Variants in ANO4 observed in about 807,000 individuals in gnomAD.
ANO4 encodes the protein anoctamin 4, also known as anoctamin-4.
In ANO4, 69 loss-of-function variants were observed where a neutral mutation model predicts 141.9. The ratio of observed to expected loss-of-function variants is 0.49; its 90% confidence interval spans 0.40 to 0.59. ANO4 has a LOEUF of 0.59. Ranked by LOEUF, ANO4 falls within the 20% of genes least tolerant of loss-of-function variation. The pLI is 0.00. For missense variants in ANO4, 894 were observed against 1,162.2 expected (o/e 0.77, Z 3.36); for synonymous variants, 350 against 394.3 (o/e 0.89, Z 1.33).
chr12:101,097,548 A>G (rs1454724327), intron 19 of ANO4, 103 bp from the exon 20 acceptor site: 2 of 1,094,008 alleles, frequency 1.8e-6, no homozygotes, highest in African/African-American at 1.5e-5. Context: ...TACTACTTAT[A>G]GTAGCAGTCA....
Position 101,040,020 on chromosome 12 carries a change from T to C in ANO4, c.963T>C (p.Tyr321=), listed in dbSNP as rs770341657. ...HGAENHRHLL[Y]ECWASWGVWY... ...CAGAAAACCACCGACATCTACTCTA[T>C]GAGTGCTGGGCCTCCTGGGGCGTGT... Residue 321 remains tyrosine (Y), a synonymous_variant, in exon 11 of 28, where the codon TAT becomes TAC. Transcript: ENST00000392977. 10 of 1,613,630 alleles carry C rather than the reference T, an allele frequency of 6.2e-6. No homozygotes were observed. Among genetic ancestry groups the C allele is most frequent in the Non-Finnish European group, 8.5e-6 (10 of 1,179,578 alleles).
At chr12:100,763,791 T>C (rs2032971915) in intron 3 of ANO4, among the ~76,000 whole-genome samples, 1 of 152,234 alleles carries the variant, frequency 6.6e-6, no homozygotes, top group South Asian at 2.1e-4. Flanking sequence ...CCTTCTTTAT[T>C]GAGGACATGT....
intron 17 of ANO4, among the ~76,000 whole-genome samples, chr12:101,092,094 T>C (rs1046001085): frequency 2.0e-5 from 3 of 152,112 alleles, no homozygotes; most frequent in Non-Finnish European, 2.9e-5. Flanking sequence ...AATATGGTGG[T>C]TGCAAGCCAA....
chr12:100,784,887 CTTGACT>C (rs745606697), intron 3 of ANO4, among the ~76,000 whole-genome samples: 7 of 151,888 alleles, frequency 4.6e-5, no homozygotes, highest in Non-Finnish European at 1.0e-4. Context: ...TTCCTTAGAA[CTTGACT>C]TTGTTTTATG....
At chr12:100,756,669 T>C (rs2032628100) in intron 3 of ANO4, among the ~76,000 whole-genome samples, 1 of 152,078 alleles carries the variant, frequency 6.6e-6, no homozygotes. Context: ...TTTTCACTTG[T>C]TTTCTCTGAC....
chr12:100,765,157 A>G (rs1391553336), intron 3 of ANO4, among the ~76,000 whole-genome samples: 4 of 151,826 alleles, frequency 2.6e-5, no homozygotes, highest in Non-Finnish European at 5.9e-5. Context: ...CTGTTCCGAG[A>G]TTCTATTTCT....
chr12:100,862,852 G>A (rs747044407), intron 1 of ANO4, among the ~76,000 whole-genome samples: 4 of 152,110 alleles, frequency 2.6e-5, no homozygotes, highest in Admixed American at 6.5e-5. Context: ...TGACTGAAAC[G>A]TCATTATGCA....
At position 100,971,297 on chromosome 12, in the gene ANO4, C is replaced by T. The variant is rs746904815; in HGVS notation, c.457-9C>T. 7 of 1,581,918 alleles carry T rather than the reference C, an allele frequency of 4.4e-6. No homozygotes were observed. The highest frequency in any genetic ancestry group is 1.1e-5 in the South Asian group (1 of 88,026). On this transcript the variant is annotated splice_polypyrimidine_tract_variant and intron_variant, in intron 5 of 27. Transcript: ENST00000392977. ...TACTTTTCAATTTAGTTTCTTTTTT[C>T]TGTTTCAGTCCTCTCTAATAAATAG...
intron 5 of ANO4, among the ~76,000 whole-genome samples, chr12:100,951,392 G>C (rs949857358): frequency 1.7e-4 from 26 of 152,124 alleles, no homozygotes; most frequent in Non-Finnish European, 2.1e-4. Context: ...ATGTATGTTC[G>C]CTGCAGCACT....
At chr12:101,120,039 A>G (rs1392533527) in intron 25 of ANO4, among the ~76,000 whole-genome samples, 1 of 152,208 alleles carries the variant, frequency 6.6e-6, no homozygotes, top group Non-Finnish European at 1.5e-5. Context: ...TGGGAGAGTC[A>G]AGGGGTGATA....
chr12:101,086,766 T>C lies in ANO4; in HGVS notation c.1643T>C (p.Val548Ala), dbSNP rs773523867. 4 of 1,613,872 alleles carry C rather than the reference T, an allele frequency of 2.5e-6. No individual in the cohort carries two copies. Among genetic ancestry groups the C allele is most frequent in the South Asian group, 1.1e-5 (1 of 91,084 alleles). The change falls in exon 17 of 28, where the codon GTT becomes GCT. Residue 548 changes from valine (V) to alanine (A), a missense_variant. Val to Ala is a moderately conservative substitution (Grantham distance 64, BLOSUM62 0). Coordinates refer to ENST00000392977, the MANE Select transcript of ANO4 (RefSeq NM_001286615.2). ...KWALIRNNSQVATTGTAVCIN... is the reference protein window; with the variant it reads ...KWALIRNNSQAATTGTAVCIN... ...GCGTTAATCAGGAATAACTCTCAGG[T>C]TGCAACCACAGGGACTGCTGTGTGC...
At chr12:100,905,823 C>A (rs1041016945) in intron 2 of ANO4, among the ~76,000 whole-genome samples, 1 of 152,140 alleles carries the variant, frequency 6.6e-6, no homozygotes, top group Non-Finnish European at 1.5e-5. Flanking sequence ...AGGATGAGAG[C>A]TATGCACAAT....
At chr12:100,784,612 A>T (rs10083112) in intron 3 of ANO4, among the ~76,000 whole-genome samples, 8,957 of 152,240 alleles carry the variant, frequency 0.059, 269 homozygotes, top group Non-Finnish European at 0.068. Flanking sequence ...CTCTGCTAAC[A>T]TAGTTCCTGT....
At chr12:100,969,619 C>T (rs975979826) in intron 5 of ANO4, among the ~76,000 whole-genome samples, 3 of 152,124 alleles carry the variant, frequency 2.0e-5, no homozygotes, top group African/African-American at 7.2e-5. Flanking sequence ...AAAACAATTT[C>T]CCGGAGTGCA....
intron 4 of ANO4, among the ~76,000 whole-genome samples, chr12:100,941,772 AT>A (rs2042522907): frequency 6.6e-6 from 1 of 151,760 alleles, no homozygotes; most frequent in Non-Finnish European, 1.5e-5. Flanking sequence ...GAGCATATCA[AT>A]TTTCACTCTC....
In ANO4 at chr12:100,971,354, T is replaced by C. The variant is rs1376310935; in HGVS notation, c.505T>C (p.Trp169Arg). The change falls in exon 6 of 28, where the codon TGG (tryptophan) becomes CGG (arginine). Residue 169 changes from tryptophan (W) to arginine (R), a missense_variant. Physicochemically the swap from Trp to Arg is moderately radical, Grantham distance 101. Transcript: ENST00000392977. ...TATCTTTGTGAAGTTGCATGCCCCA[T>C]GGGAAGTCCTTGGAAGATATGCAGA... ...DIIFVKLHAPWEVLGRYAEQM... is the reference protein window; with the variant it reads ...DIIFVKLHAPREVLGRYAEQM... The C allele has an allele frequency of 6.2e-7, 1 of 1,612,474 alleles. No individual in the cohort carries two copies. Among genetic ancestry groups the C allele is most frequent in the South Asian group, 1.1e-5 (1 of 90,864 alleles).
chr12:101,070,910 A>C (rs559003116), intron 14 of ANO4, among the ~76,000 whole-genome samples: 1 of 152,354 alleles, frequency 6.6e-6, no homozygotes, highest in African/African-American at 2.4e-5. Flanking sequence ...CAACAGGCAT[A>C]TGAAAAGGTG....
chr12:100,997,557 A>T (rs1371491717), intron 8 of ANO4, among the ~76,000 whole-genome samples: 18 of 151,974 alleles, frequency 1.2e-4, no homozygotes, highest in Admixed American at 9.2e-4. Flanking sequence ...TTCTGAACCA[A>T]GGAGAATATA....
intron 1 of ANO4, among the ~76,000 whole-genome samples, chr12:100,825,530 C>T (rs1206959232): frequency 5.3e-5 from 8 of 151,954 alleles, no homozygotes; most frequent in Non-Finnish European, 1.2e-4. Context: ...ACACAAATGT[C>T]TAAGGAGCAG....
Sources: gnomAD v4.1 joint callset for allele counts (sites outside exome capture counted in the v4.1 genomes callset) on GRCh38, gnomAD v4.1.1 for gene constraint, MANE v1.5 for transcripts, NCBI Gene and HGNC (gene_info 2026-07-23, HGNC 2026-07-21) for gene names.